ARHGEF37: variants seen among roughly 807,000 people sequenced by gnomAD.
The protein encoded by ARHGEF37 is Rho guanine nucleotide exchange factor 37.
Under a neutral mutation model 71.1 loss-of-function variants are expected in ARHGEF37, and 55 were observed. The ratio of observed to expected loss-of-function variants is 0.77; its 90% CI spans 0.62 to 0.97. ARHGEF37 has a LOEUF of 0.97. Among genes scored for constraint, ARHGEF37 ranks in the 50% least tolerant of loss-of-function variants. The pLI, the probability that ARHGEF37 is intolerant of heterozygous loss-of-function variation, is 0.00. For missense variants in ARHGEF37, 765 were observed against 836.8 expected (o/e 0.91, Z 1.06); for synonymous variants, 327 against 350.6 (o/e 0.93, Z 0.75).
chr5:149,557,147 A>G (rs952238513), intron 1 of ARHGEF37, among the ~76,000 whole-genome samples: 1 of 152,204 alleles, frequency 6.6e-6, no homozygotes, highest in Non-Finnish European at 1.5e-5. Context: ...CAAATACAGT[A>G]TTTAAGAAAG....
chr5:149,585,719 A>G (rs1298961743), intron 1 of ARHGEF37, among the ~76,000 whole-genome samples: 2 of 152,136 alleles, frequency 1.3e-5, no homozygotes, highest in African/African-American at 2.4e-5. Context: ...GGATTTCATC[A>G]TGTTGGCCAG....
At chr5:149,605,083 C>T (rs1487359152) in intron 3 of ARHGEF37, among the ~76,000 whole-genome samples, 6 of 151,018 alleles carry the variant, frequency 4.0e-5, no homozygotes, top group Non-Finnish European at 7.4e-5. Context: ...AAAAATTAGT[C>T]GGGCGTGTTG....
intron 1 of ARHGEF37, among the ~76,000 whole-genome samples, chr5:149,563,715 A>T (rs370282711): frequency 6.6e-6 from 1 of 152,334 alleles, no homozygotes; most frequent in South Asian, 2.1e-4. Flanking sequence ...AAAGCCAAAA[A>T]TAAGAAAGTG....
intron 1 of ARHGEF37, among the ~76,000 whole-genome samples, chr5:149,587,094 G>C (rs1212198263): frequency 1.3e-5 from 2 of 152,172 alleles, no homozygotes; most frequent in Non-Finnish European, 2.9e-5. Context: ...AAAGGGGGAT[G>C]AGGAATAAAA....
At chr5:149,610,708 CAGTT>C (rs1474599572) in intron 4 of ARHGEF37, among the ~76,000 whole-genome samples, 5 of 152,136 alleles carry the variant, frequency 3.3e-5, no homozygotes, top group African/African-American at 1.2e-4. Context: ...TATATTTCTA[CAGTT>C]TACAGATATA....
intron 4 of ARHGEF37, among the ~76,000 whole-genome samples, chr5:149,613,064 G>A (rs1054096631): frequency 1.3e-5 from 2 of 152,232 alleles, no homozygotes; most frequent in African/African-American, 4.8e-5. Flanking sequence ...AGGTGGGCCC[G>A]TCCAGCACAA....
At chr5:149,601,340 G>C in intron 3 of ARHGEF37, 109 bp downstream of exon 3, 1 of 1,355,622 alleles carries the variant, frequency 7.4e-7, no homozygotes, top group Non-Finnish European at 9.9e-7. Flanking sequence ...GCAGCTCAAC[G>C]GCAGTCTGTT....
intron 1 of ARHGEF37, among the ~76,000 whole-genome samples, chr5:149,561,290 AAAG>A (rs1230396565): frequency 1.3e-5 from 2 of 151,700 alleles, no homozygotes; most frequent in African/African-American, 4.8e-5. Flanking sequence ...AAAAAAAAAA[AAAG>A]GCAATAATTA....
chr5:149,617,147 C>T (rs1752404842), intron 5 of ARHGEF37, among the ~76,000 whole-genome samples: 1 of 152,238 alleles, frequency 6.6e-6, no homozygotes, highest in Admixed American at 6.5e-5. Context: ...TTACCTTGAA[C>T]TAATCACCAA....
intron 12 of ARHGEF37, 49 bp downstream of exon 12, chr5:149,629,015 C>T (rs774090071): frequency 1.3e-6 from 2 of 1,569,810 alleles, no homozygotes; most frequent in South Asian, 1.2e-5. Flanking sequence ...GCCATCCGGA[C>T]TGTGGCTTGG....
At chr5:149,592,385 A>G (rs528061096) in intron 1 of ARHGEF37, among the ~76,000 whole-genome samples, 58 of 152,356 alleles carry the variant, frequency 3.8e-4, no homozygotes, top group African/African-American at 1.4e-3. Context: ...TATTAAATGG[A>G]ATCACACAGT....
rs1393509942 is a variant in ARHGEF37 at position 149,581,592 on chromosome 5, GC to G, written c.-43del. The G allele has an allele frequency of 2.0e-5, 3 of 152,156 alleles. No individual in the cohort carries two copies. The highest frequency in any genetic ancestry group is 1.3e-4 in the Admixed American group (2 of 15,280). 9.4% of individuals were successfully genotyped at this position (152,156 alleles called of 1,614,324 possible). A position where few individuals can be genotyped will look rare whatever the true frequency, so the allele number is the denominator to read the frequency against. ...TGTTGCCCGGGCGGCCGACCTCCGT[GC>G]GTGAGCGCCGGCAGGCACCTTGCGC... On this transcript the variant is annotated 5_prime_UTR_variant, in exon 1 of 13. Transcript: ENST00000333677.
At chr5:149,623,957 G>A in intron 9 of ARHGEF37, 55 bp from the exon 10 acceptor site, 1 of 1,537,040 alleles carries the variant, frequency 6.5e-7, no homozygotes, top group Non-Finnish European at 8.8e-7. Context: ...AGCAAGCCAG[G>A]GATCTCATTG....
chr5:149,619,463 A>G (rs1250546313), intron 7 of ARHGEF37, among the ~76,000 whole-genome samples: 1 of 152,218 alleles, frequency 6.6e-6, no homozygotes, highest in Non-Finnish European at 1.5e-5. Context: ...GAACTTAAAT[A>G]TAAAATAATA....
At chr5:149,565,793 C>T (rs1762889205) in intron 1 of ARHGEF37, among the ~76,000 whole-genome samples, 1 of 139,268 alleles carries the variant, frequency 7.2e-6, no homozygotes. Context: ...TGTGATTCCA[C>T]AATCTGGTCT....
At chr5:149,570,928 T>G (rs1762955299) in intron 1 of ARHGEF37, among the ~76,000 whole-genome samples, 1 of 152,046 alleles carries the variant, frequency 6.6e-6, no homozygotes, top group Non-Finnish European at 1.5e-5. Flanking sequence ...GATGTTTAAT[T>G]GGCTAGATTT....
intron 2 of ARHGEF37, among the ~76,000 whole-genome samples, chr5:149,598,316 CTT>C (rs1763621983): frequency 6.7e-6 from 1 of 148,746 alleles, no homozygotes; most frequent in Admixed American, 6.7e-5. Flanking sequence ...TCTTCTTCTT[CTT>C]CTTCTTCTTT....
At chr5:149,593,110 C>T (rs1229451399) in intron 1 of ARHGEF37, among the ~76,000 whole-genome samples, 1 of 152,196 alleles carries the variant, frequency 6.6e-6, no homozygotes, top group Non-Finnish European at 1.5e-5. Flanking sequence ...GATCCAGTTT[C>T]TCCACATTCC....
chr5:149,598,333 C>CTTCTTCTT (rs1763625746), intron 2 of ARHGEF37, among the ~76,000 whole-genome samples: 44 of 74,080 alleles, frequency 5.9e-4, no homozygotes, highest in African/African-American at 2.1e-3. Context: ...TTCTTTCTTC[C>CTTCTTCTT]TCTTCCTCTT....
Sources: allele counts gnomAD v4.1 joint callset (sites outside exome capture counted in the v4.1 genomes callset), GRCh38; gene constraint gnomAD v4.1.1; transcripts MANE v1.5; gene names NCBI Gene and HGNC (gene_info 2026-07-23, HGNC 2026-07-21).